Variants in FOXP4 observed in about 807,000 individuals in gnomAD.
The protein encoded by FOXP4 is forkhead box protein P4.
In FOXP4, 25 loss-of-function variants were observed where a neutral mutation model predicts 82.6. The ratio of observed to expected loss-of-function variants is 0.30; its 90% CI spans 0.22 to 0.42. The LOEUF (loss-of-function observed/expected upper bound fraction) is 0.42. Among genes scored for constraint, FOXP4 ranks in the 10% least tolerant of loss-of-function variants. The pLI is 1.00. For missense variants in FOXP4, 785 were observed against 900.9 expected, an observed-to-expected ratio of 0.87 and a Z score of 1.65; for synonymous variants, 415 against 388.2, an observed-to-expected ratio of 1.07 and a Z score of -0.81.
In FOXP4 at chr6:41,591,922, G is replaced by A. The variant is rs2127400476; in HGVS notation, c.1536+600G>A. On this transcript the variant is annotated intron_variant, in intron 13 of 16. Transcript: ENST00000307972. This position sits in a 1 kb window ranked among gnomAD's most constrained non-coding sequence, Gnocchi z 4.2. ...CTGGGAGAGCAGAAGCAGGCAAGAG[G>A]GGGACTCTAGAAAAATGGGAGACAG... Among the ~76,000 whole-genome samples, 1 of 152,240 alleles carries A rather than the reference G, an allele frequency of 6.6e-6. No individual in the cohort carries two copies.
intron 2 of FOXP4, among the ~76,000 whole-genome samples, chr6:41,569,110 C>A (rs996703990): frequency 1.3e-5 from 2 of 152,184 alleles, no homozygotes; most frequent in Non-Finnish European, 2.9e-5. Flanking sequence ...AGCCATATCA[C>A]CTCCACGCTG....
intron 1 of FOXP4, among the ~76,000 whole-genome samples, chr6:41,563,027 C>T (rs1764676101): frequency 6.6e-6 from 1 of 152,242 alleles, no homozygotes; most frequent in African/African-American, 2.4e-5. Context: ...TCCGAACCAT[C>T]ACTCCCATCC....
At position 41,599,875 on chromosome 6, in the gene FOXP4, T is replaced by A. The variant is rs918234975; in HGVS notation, c.*939T>A. On this transcript the variant is annotated 3_prime_UTR_variant, in exon 17 of 17. Coordinates refer to ENST00000307972, the MANE Select transcript of FOXP4 (RefSeq NM_001012426.2). Reference sequence around the variant, plus strand: ...CCCTTCCTCTGCAGTCACCCTCAGCTCCCCTTCCTTGCCCGCCTCTCCCCC... The same window carrying A: ...CCCTTCCTCTGCAGTCACCCTCAGCACCCCTTCCTTGCCCGCCTCTCCCCC... 1 of 151,060 alleles carries A rather than the reference T, an allele frequency of 6.6e-6. No individual in the cohort carries two copies. The highest frequency in any genetic ancestry group is 2.0e-4 in the East Asian group (1 of 5,106). 9.4% of individuals were successfully genotyped at this position (151,060 alleles called of 1,614,324 possible).
Position 41,558,729 on chromosome 6 carries a change from G to A in FOXP4, c.-16-7016G>A, listed in dbSNP as rs141909115. On this transcript the variant is annotated intron_variant, in intron 1 of 16. Coordinates refer to ENST00000307972, the MANE Select transcript of FOXP4 (RefSeq NM_001012426.2). This position sits in a 1 kb window ranked among gnomAD's most constrained non-coding sequence, Gnocchi z 4.0. ...GGAGCCTGAAGCCAGAAGCCAGTGG[G>A]CCTCTGGGGCCAGGGCTGAATGGGG... Among the ~76,000 whole-genome samples, 492 of 152,362 alleles carry A rather than the reference G, an allele frequency of 3.2e-3. 11 individuals are homozygous for A. Among genetic ancestry groups the A allele is most frequent in the Admixed American group, 0.022 (338 of 15,310 alleles).
rs1400994030 is a variant in FOXP4 at position 41,599,723 on chromosome 6, A to C, written c.*787A>C. 1 of 152,194 alleles carries C rather than the reference A, an allele frequency of 6.6e-6. No homozygotes were observed. The highest frequency in any genetic ancestry group is 2.4e-5 in the African/African-American group (1 of 41,284). The allele number at this position is 152,194 out of a possible 1,614,324, so 9.4% of individuals were successfully genotyped here. A position where few individuals can be genotyped will look rare whatever the true frequency, so the allele number is the denominator to read the frequency against. ...CAGGTGCGCTTCTGCAGGTGGAGCC[A>C]AGCTCTCCCTGAGGCCAGAGGCGGG... is the stretch of plus-strand genomic sequence containing the variant. On this transcript the variant is annotated 3_prime_UTR_variant, in exon 17 of 17. Coordinates refer to ENST00000307972, the MANE Select transcript of FOXP4 (RefSeq NM_001012426.2).
At position 41,601,102 on chromosome 6, in the gene FOXP4, GGC is replaced by G. The variant is rs1217766606; in HGVS notation, c.*2168_*2169del. 1.3e-5 allele frequency: 2 copies of G among 152,402 alleles called. No homozygotes were observed. Among genetic ancestry groups the G allele is most frequent in the Non-Finnish European group, 2.9e-5 (2 of 68,168 alleles). 9.4% of individuals were successfully genotyped at this position (152,402 alleles called of 1,614,324 possible). On this transcript the variant is annotated 3_prime_UTR_variant, in exon 17 of 17. Coordinates refer to ENST00000307972, the MANE Select transcript of FOXP4 (RefSeq NM_001012426.2). ...CGTCTTCAAGGGGGCTGCCTGGATA[GGC>G]GTGTGTGTGTGTAGTGCCCAGGTGT...
chr6:41,558,261 C>T lies in FOXP4; in HGVS notation c.-16-7484C>T, dbSNP rs1201638922. 1.3e-5 allele frequency among the ~76,000 whole-genome samples: 2 copies of T among 152,224 alleles called. No homozygotes were observed. The highest frequency in any genetic ancestry group is 2.9e-5 in the Non-Finnish European group (2 of 68,044). ...GATCAGGGAGCCAAGCAGTGCGTGA[C>T]TCACATCACCCACCTCTGGCTTCAG... On this transcript the variant is annotated intron_variant, in intron 1 of 16. Transcript: ENST00000307972. This position sits in a 1 kb window ranked among gnomAD's most constrained non-coding sequence, Gnocchi z 4.0.
chr6:41,585,948 C>T (rs1393750894), intron 5 of FOXP4, among the ~76,000 whole-genome samples: 1 of 151,972 alleles, frequency 6.6e-6, no homozygotes, highest in East Asian at 1.9e-4. Context: ...CTGCCCCCAG[C>T]TTCTTCCCCT....
intron 1 of FOXP4, among the ~76,000 whole-genome samples, chr6:41,564,298 A>G (rs1764752372): frequency 6.6e-6 from 1 of 152,214 alleles, no homozygotes; most frequent in South Asian, 2.1e-4. Context: ...GCGTGCCTGT[A>G]GTACCAGCTA....
intron 1 of FOXP4, among the ~76,000 whole-genome samples, chr6:41,560,538 G>C (rs950520665): frequency 6.6e-6 from 1 of 152,224 alleles, no homozygotes; most frequent in Non-Finnish European, 1.5e-5. Flanking sequence ...GCGCGTGCAC[G>C]TGTGCTCCCG....
intron 1 of FOXP4, among the ~76,000 whole-genome samples, chr6:41,565,047 G>T (rs553347197): frequency 2.0e-5 from 3 of 152,300 alleles, no homozygotes; most frequent in African/African-American, 7.2e-5. Flanking sequence ...TGCTTTGTTG[G>T]TGTAGGTTTA....
In FOXP4 at chr6:41,575,221, G is replaced by A. The variant is rs934583760; in HGVS notation, c.205-2765G>A. On this transcript the variant is annotated intron_variant, in intron 2 of 16. Transcript: ENST00000307972. ...CTGACCTCATGATCCGCCTGCCTTG[G>A]CTTCCCAAAGTGCTAGGATTACAGG... 2.6e-5 allele frequency among the ~76,000 whole-genome samples: 4 copies of A among 152,152 alleles called. No individual in the cohort carries two copies. In the East Asian group the frequency reaches 5.8e-4, roughly 22 times the overall value.
At chr6:41,549,919 A>T (rs1346275978) in intron 1 of FOXP4, among the ~76,000 whole-genome samples, 1 of 152,170 alleles carries the variant, frequency 6.6e-6, no homozygotes, top group Non-Finnish European at 1.5e-5. Context: ...TCCCATCCTA[A>T]GCAGGCACAA....
intron 2 of FOXP4, chr6:41,570,474 G>A: frequency 2.2e-6 from 1 of 449,476 alleles, no homozygotes; most frequent in Non-Finnish European, 4.6e-6. Flanking sequence ...CCCCCTTGTT[G>A]TACCCCTCCC....
intron 1 of FOXP4, among the ~76,000 whole-genome samples, chr6:41,556,745 C>T (rs967551397): frequency 1.1e-4 from 16 of 152,350 alleles, no homozygotes; most frequent in Admixed American, 3.3e-4. Context: ...CTTACTCCCT[C>T]CAGGCTCCAT....
intron 2 of FOXP4, among the ~76,000 whole-genome samples, chr6:41,566,931 C>A (rs920381543): frequency 6.6e-6 from 1 of 152,232 alleles, no homozygotes; most frequent in Non-Finnish European, 1.5e-5. Flanking sequence ...ATGTGCTCCT[C>A]CATGGCCCTG....
intron 2 of FOXP4, among the ~76,000 whole-genome samples, chr6:41,576,575 A>G (rs1765500861): frequency 2.0e-5 from 3 of 152,194 alleles, no homozygotes; most frequent in Admixed American, 2.0e-4. Context: ...CATTTCGTCT[A>G]ATAAGTGCGC....
chr6:41,560,060 A>AT (rs1764480588), intron 1 of FOXP4, among the ~76,000 whole-genome samples: 2 of 152,314 alleles, frequency 1.3e-5, no homozygotes, highest in South Asian at 4.1e-4. Flanking sequence ...GGAATTATAA[A>AT]TTATAAAAGA....
chr6:41,590,546 G>A (rs2127398750), intron 12 of FOXP4, among the ~76,000 whole-genome samples, 199 bp downstream of exon 12: 1 of 152,270 alleles, frequency 6.6e-6, no homozygotes, highest in East Asian at 1.9e-4. Context: ...ATAGGGTTAT[G>A]TGTCTCTGGG....
Sources: gnomAD v4.1 joint callset for allele counts (sites outside exome capture counted in the v4.1 genomes callset) on GRCh38, gnomAD v4.1.1 for gene constraint, Gnocchi (gnomAD v3.1) non-coding constraint, MANE v1.5 for transcripts, NCBI Gene and HGNC (gene_info 2026-07-23, HGNC 2026-07-21) for gene names.